Variants in SGCD observed in about 807,000 individuals in gnomAD.
SGCD encodes the protein delta-sarcoglycan.
In SGCD, 18 loss-of-function variants were observed where a neutral mutation model predicts 36.6. The observed-to-expected ratio is 0.49, with a 90% CI of 0.34 to 0.73. SGCD has a LOEUF of 0.73. Among genes scored for constraint, SGCD ranks in the 30% least tolerant of loss-of-function variants. The pLI is 0.01. For synonymous variants in SGCD, 133 were observed against 130.6 expected (o/e 1.02, Z -0.12); for missense variants, 387 against 346.7 (o/e 1.12, Z -0.92).
intron 6 of SGCD, among the ~76,000 whole-genome samples, chr5:156,644,909 A>G (rs1763170703): frequency 6.9e-6 from 1 of 145,898 alleles, no homozygotes; most frequent in South Asian, 2.2e-4. Context: ...TACTTATGGC[A>G]GTGGAGTGCA....
At chr5:156,511,040 C>T (rs563521437) in intron 4 of SGCD, among the ~76,000 whole-genome samples, 10 of 152,108 alleles carry the variant, frequency 6.6e-5, no homozygotes, top group East Asian at 1.9e-4. Context: ...ACAATACTTA[C>T]GTTTATATTT....
At chr5:156,268,087 A>C (rs1766049846) in intron 3 of SGCD, among the ~76,000 whole-genome samples, 1 of 152,100 alleles carries the variant, frequency 6.6e-6, no homozygotes, top group East Asian at 1.9e-4. Flanking sequence ...AACATGCAGT[A>C]TTTTGTTTTC....
intron 3 of SGCD, among the ~76,000 whole-genome samples, 194 bp downstream of exon 3, chr5:156,344,871 G>A (rs1768867657): frequency 6.6e-6 from 1 of 152,042 alleles, no homozygotes; most frequent in African/African-American, 2.4e-5. Context: ...AGTTCTTCGG[G>A]GGCTAATACT....
chr5:156,077,473 C>T (rs1428070894), intron 1 of SGCD, among the ~76,000 whole-genome samples: 1 of 152,140 alleles, frequency 6.6e-6, no homozygotes, highest in African/African-American at 2.4e-5. Flanking sequence ...TCTTTAGGAT[C>T]AAAATTTCTA....
intron 3 of SGCD, among the ~76,000 whole-genome samples, chr5:156,217,977 T>A (rs1162876462): frequency 6.6e-6 from 1 of 152,164 alleles, no homozygotes; most frequent in Non-Finnish European, 1.5e-5. Context: ...CTTAGACTTA[T>A]TAAAATGATG....
the SGCD span, among the ~76,000 whole-genome samples, chr5:155,834,636 T>G: frequency 6.0e-4 from 92 of 152,334 alleles, no homozygotes; most frequent in African/African-American, 2.1e-3. Flanking sequence ...TTATGGCTTG[T>G]GTCATGTACG....
chr5:156,306,113 G>A (rs901642868), intron 3 of SGCD, among the ~76,000 whole-genome samples: 3 of 152,184 alleles, frequency 2.0e-5, no homozygotes, highest in East Asian at 3.9e-4. Flanking sequence ...CTGTTGGGAA[G>A]GCATGATTCA....
chr5:156,336,629 TA>T (rs1308487033), intron 2 of SGCD, among the ~76,000 whole-genome samples: 1 of 151,970 alleles, frequency 6.6e-6, no homozygotes, highest in Non-Finnish European at 1.5e-5. Flanking sequence ...CTTGTTTGTG[TA>T]AAAAAAATAT....
intron 3 of SGCD, among the ~76,000 whole-genome samples, chr5:156,470,753 A>C (rs937550362): frequency 6.6e-6 from 1 of 152,212 alleles, no homozygotes; most frequent in South Asian, 2.1e-4. Flanking sequence ...AGCAATCATA[A>C]TAAGGACTAA....
At chr5:156,292,934 A>C (rs1376283105) in intron 3 of SGCD, among the ~76,000 whole-genome samples, 1 of 152,030 alleles carries the variant, frequency 6.6e-6, no homozygotes, top group Non-Finnish European at 1.5e-5. Context: ...TCTGTTGTCT[A>C]ATTTTGAGTT....
intron 3 of SGCD, among the ~76,000 whole-genome samples, chr5:156,298,581 T>C (rs186867952): frequency 0.014 from 1,983 of 144,662 alleles, 23 homozygotes; most frequent in African/African-American, 0.043. Context: ...CTTTTCTTTT[T>C]TTTTTTTTTT....
intron 3 of SGCD, among the ~76,000 whole-genome samples, chr5:156,147,624 A>G (rs1308699102): frequency 2.0e-5 from 3 of 152,222 alleles, no homozygotes; most frequent in Non-Finnish European, 2.9e-5. Context: ...TTCAAATGTT[A>G]TCAGCTATCT....
chr5:156,554,311 C>T (rs111438782), intron 4 of SGCD, among the ~76,000 whole-genome samples: 29 of 150,632 alleles, frequency 1.9e-4, no homozygotes, highest in African/African-American at 5.4e-4. Flanking sequence ...GCTGAGATCA[C>T]GCCACTGCAC....
intron 7 of SGCD, among the ~76,000 whole-genome samples, chr5:156,671,927 A>G (rs1409626834): frequency 6.6e-6 from 1 of 152,166 alleles, no homozygotes; most frequent in African/African-American, 2.4e-5. Flanking sequence ...CGGGCTCTTT[A>G]AAACAACCAG....
chr5:156,456,706 T>C (rs552455511), intron 3 of SGCD, among the ~76,000 whole-genome samples: 2 of 152,288 alleles, frequency 1.3e-5, no homozygotes, highest in South Asian at 2.1e-4. Context: ...AGAGGGATTG[T>C]GGTTTTGTTG....
At chr5:156,178,433 C>T (rs375700753) in intron 3 of SGCD, among the ~76,000 whole-genome samples, 12 of 152,244 alleles carry the variant, frequency 7.9e-5, no homozygotes, top group South Asian at 2.1e-4. Flanking sequence ...CAGGACTATA[C>T]GAATATAAGA....
chr5:156,197,390 A>G (rs1451249875), intron 3 of SGCD, among the ~76,000 whole-genome samples: 2 of 151,892 alleles, frequency 1.3e-5, no homozygotes, highest in African/African-American at 2.4e-5. Flanking sequence ...CTCTTGGTTA[A>G]TTTTTTAAAA....
At chr5:156,085,597 A>G (rs1761072951) in intron 1 of SGCD, among the ~76,000 whole-genome samples, 1 of 152,228 alleles carries the variant, frequency 6.6e-6, no homozygotes, top group South Asian at 2.1e-4. Context: ...AGTTTCAGGT[A>G]TCTCTTTATA....
chr5:156,222,848 AT>A (rs35899567), intron 3 of SGCD, among the ~76,000 whole-genome samples: 1 of 152,052 alleles, frequency 6.6e-6, no homozygotes, highest in Non-Finnish European at 1.5e-5. Context: ...TGCTTAAAAT[AT>A]TTTTTCCTAC....
Sources: allele counts gnomAD v4.1 joint callset (sites outside exome capture counted in the v4.1 genomes callset), GRCh38; gene constraint gnomAD v4.1.1; transcripts MANE v1.5; gene names NCBI Gene and HGNC (gene_info 2026-07-23, HGNC 2026-07-21).